The following TMEM106B variants were observed in gnomAD, a reference collection of about 807,000 sequenced individuals.
The protein encoded by TMEM106B is transmembrane protein 106B.
TMEM106B carries 15 observed loss-of-function variants against 31.1 expected under a neutral mutation model. The ratio of observed to expected loss-of-function variants is 0.48; its 90% CI spans 0.32 to 0.74. TMEM106B has a LOEUF of 0.74. TMEM106B is among the 30% of genes least tolerant of loss of function. TMEM106B has a pLI of 0.03. For synonymous variants in TMEM106B, 126 were observed against 112.5 expected, an observed-to-expected ratio of 1.12 and a Z score of -0.76; for missense variants, 283 against 327.3, an observed-to-expected ratio of 0.86 and a Z score of 1.04.
intron 3 of TMEM106B, among the ~76,000 whole-genome samples, chr7:12,223,677 C>A (rs986729091): frequency 6.7e-6 from 1 of 149,548 alleles, no homozygotes; most frequent in Non-Finnish European, 1.5e-5. Context: ...AGTAAATGTT[C>A]TATTGTTTTT....
chr7:12,213,688 A>G (rs1435766926), intron 1 of TMEM106B, among the ~76,000 whole-genome samples: 1 of 152,330 alleles, frequency 6.6e-6, no homozygotes, highest in Non-Finnish European at 1.5e-5. Context: ...TTAAAAAAAC[A>G]CTTCTGGACT....
intron 4 of TMEM106B, among the ~76,000 whole-genome samples, chr7:12,227,102 A>G (rs1198015948): frequency 1.3e-5 from 2 of 152,156 alleles, no homozygotes; most frequent in East Asian, 1.9e-4. Flanking sequence ...AAATTCTCAC[A>G]TTTTGGAATA....
intron 3 of TMEM106B, 34 bp from the exon 4 acceptor site, chr7:12,224,192 C>A (rs1319963616): frequency 3.1e-6 from 5 of 1,589,374 alleles, no homozygotes; most frequent in Non-Finnish European, 4.3e-6. Flanking sequence ...ATTTCTGATG[C>A]ACATGTACTT....
chr7:12,211,934 C>G (rs7781670), intron 1 of TMEM106B, among the ~76,000 whole-genome samples: 72,245 of 151,988 alleles, frequency 0.48, 17,663 homozygotes, highest in East Asian at 0.62. Flanking sequence ...TTTCAGTAAA[C>G]TAAGGAACCG....
chr7:12,217,517 G>A (rs1781710932), intron 2 of TMEM106B, among the ~76,000 whole-genome samples: 1 of 152,192 alleles, frequency 6.6e-6, no homozygotes, highest in South Asian at 2.1e-4. Context: ...GTGTAGTTGT[G>A]TGTTTTTCTG....
Position 12,241,538 on chromosome 7 carries a change from G to A in TMEM106B, c.*9563G>A. The A allele has an allele frequency of 6.6e-6, 1 of 152,096 alleles. No individual in the cohort carries two copies. The highest frequency in any genetic ancestry group is 1.9e-4 in the East Asian group (1 of 5,194). 9.4% of individuals were successfully genotyped at this position (152,096 alleles called of 1,614,324 possible). On this transcript the variant is annotated 3_prime_UTR_variant, in exon 8 of 8. Coordinates refer to ENST00000396668, the MANE Select transcript of TMEM106B (RefSeq NM_001134232.2). ...GTTCCTGTGTGTGTTTGCTGAGAATGATGGTTTCCAGCTTCATCCATATCC... is the reference window on the plus strand; with the variant it reads ...GTTCCTGTGTGTGTTTGCTGAGAATAATGGTTTCCAGCTTCATCCATATCC...
rs1781992489 is a variant in TMEM106B, at chr7:12,230,218, A to C, written c.583-171A>C. On this transcript the variant is annotated intron_variant, in intron 5 of 7. Transcript: ENST00000396668. ...GTGACACAGTGAGATCCTGTCTCAA[A>C]AAAGAAAAAAAAGAAAAAGAAATGT... 7.6e-6 allele frequency: 5 copies of C among 658,046 alleles called. No homozygotes were observed. In the South Asian group the frequency reaches 8.7e-5, roughly 11 times the overall value. The allele number at this position is 658,046 out of a possible 1,614,324, so 40.8% of individuals were successfully genotyped here.
In TMEM106B at chr7:12,214,823, C is replaced by G. The variant is rs765000589; in HGVS notation, c.13C>G (p.Leu5Val). 1.2e-6 allele frequency: 2 copies of G among 1,610,898 alleles called. No individual in the cohort carries two copies. Among genetic ancestry groups the G allele is most frequent in the Non-Finnish European group, 1.7e-6 (2 of 1,178,808 alleles). Reference protein sequence around the residue: MGKSLSHLPLHSSKE... With the variant: MGKSVSHLPLHSSKE... ...TTTTTCTTTAGACATGGGAAAGTCT[C>G]TTTCTCATTTGCCTTTGCATTCAAG... Residue 5 changes from leucine to valine, a missense_variant, in exon 2 of 8, where the codon CTT becomes GTT. Transcript: ENST00000396668.
chr7:12,211,876 C>T (rs1781585330), intron 1 of TMEM106B, among the ~76,000 whole-genome samples: 1 of 152,146 alleles, frequency 6.6e-6, no homozygotes, highest in Non-Finnish European at 1.5e-5. Flanking sequence ...AATTGGAGTG[C>T]TGTGATATAT....
chr7:12,222,441 A>G (rs933831836), intron 3 of TMEM106B, among the ~76,000 whole-genome samples: 1 of 152,184 alleles, frequency 6.6e-6, no homozygotes, highest in Non-Finnish European at 1.5e-5. Context: ...TTAGAACATG[A>G]TTCATTTATT....
rs753691062 is a variant in TMEM106B, at chr7:12,214,820, T to C, written c.10T>C (p.Ser4Pro). 2 of 1,609,830 alleles carry C rather than the reference T, an allele frequency of 1.2e-6. No individual in the cohort carries two copies. Among genetic ancestry groups the C allele is most frequent in the African/African-American group, 2.7e-5 (2 of 74,760 alleles). The change falls in exon 2 of 8, where the codon TCT becomes CCT. Residue 4 changes from serine to proline, a missense_variant. Ser to Pro is a moderately conservative substitution (Grantham distance 74). This residue lies in a region of TMEM106B where 77 missense variants were observed against 89.4 expected (regional missense o/e 0.86). Transcript: ENST00000396668. MGK[S>P]LSHLPLHSSK... ...TTATTTTTCTTTAGACATGGGAAAG[T>C]CTCTTTCTCATTTGCCTTTGCATTC... is the stretch of plus-strand genomic sequence containing the variant.
intron 6 of TMEM106B, 125 bp downstream of exon 6, chr7:12,230,563 G>A: frequency 5.0e-6 from 3 of 601,216 alleles, no homozygotes; most frequent in Non-Finnish European, 8.4e-6. Context: ...GTAGTATTCT[G>A]GCTTCTGGTC....
chr7:12,229,638 T>G, intron 4 of TMEM106B, 41 bp from the exon 5 acceptor site: 1 of 1,486,002 alleles, frequency 6.7e-7, no homozygotes. Context: ...ATTTGTATAT[T>G]TTTAGCTAAC....
intron 4 of TMEM106B, among the ~76,000 whole-genome samples, chr7:12,225,496 G>A (rs138328979): frequency 6.6e-6 from 1 of 152,188 alleles, no homozygotes; most frequent in African/African-American, 2.4e-5. Flanking sequence ...CAGTGTAAAA[G>A]TGTTCCTATT....
rs1174169969 is a variant in TMEM106B, at chr7:12,224,870, G to GT, written c.441+498dup. 8.2e-3 allele frequency among the ~76,000 whole-genome samples: 1,167 copies of GT among 142,060 alleles called. 5 individuals carry two copies. The highest frequency in any genetic ancestry group is 0.012 in the Non-Finnish European group (746 of 64,566). 93.2% of individuals were successfully genotyped at this position (142,060 alleles called of 152,430 possible). A position where few individuals can be genotyped will look rare whatever the true frequency, so the allele number is the denominator to read the frequency against. On this transcript the variant is annotated intron_variant, in intron 4 of 7. Transcript: ENST00000396668. ...AAATTAGCATATGTGAAAATGCCGT[G>GT]TTTTTTTTTTTTTAATTATTAAGTT...
intron 1 of TMEM106B, among the ~76,000 whole-genome samples, chr7:12,212,895 A>C (rs1010025301): frequency 2.3e-4 from 35 of 152,366 alleles, no homozygotes; most frequent in African/African-American, 8.4e-4. Context: ...GAATGTATGT[A>C]ATCTATTTTT....
chr7:12,234,569 G>C lies in TMEM106B; in HGVS notation c.*2594G>C. On this transcript the variant is annotated 3_prime_UTR_variant, in exon 8 of 8. Coordinates refer to ENST00000396668, the MANE Select transcript of TMEM106B (RefSeq NM_001134232.2). ...GAATGAGGCTTTTAGCTTTTCTTAG[G>C]TCAATGTCCAGTGTGCTTTTTTCCA... 1 of 151,750 alleles carries C rather than the reference G, an allele frequency of 6.6e-6. No homozygotes were observed. The highest frequency in any genetic ancestry group is 6.6e-5 in the Admixed American group (1 of 15,222). The allele number at this position is 151,750 out of a possible 1,614,324, so 9.4% of individuals were successfully genotyped here.
At position 12,234,519 on chromosome 7, in the gene TMEM106B, T is replaced by C. The variant is rs1178901190; in HGVS notation, c.*2544T>C. On this transcript the variant is annotated 3_prime_UTR_variant, in exon 8 of 8. Coordinates refer to ENST00000396668, the MANE Select transcript of TMEM106B (RefSeq NM_001134232.2). Reference sequence around the variant, plus strand: ...CACACATTCAGGTGAAGCAGAAGTATAGCCATAAAACATCTAGAAAGAGTG... The same window carrying C: ...CACACATTCAGGTGAAGCAGAAGTACAGCCATAAAACATCTAGAAAGAGTG... 4 of 151,886 alleles carry C rather than the reference T, an allele frequency of 2.6e-5. No homozygotes were observed. Among genetic ancestry groups the C allele is most frequent in the African/African-American group, 7.2e-5 (3 of 41,440 alleles). 9.4% of individuals were successfully genotyped at this position (151,886 alleles called of 1,614,324 possible). A position where few individuals can be genotyped will look rare whatever the true frequency, so the allele number is the denominator to read the frequency against.
intron 7 of TMEM106B, chr7:12,231,351 A>C (rs1412602636): frequency 2.5e-6 from 1 of 406,150 alleles, no homozygotes; most frequent in Non-Finnish European, 4.4e-6. Flanking sequence ...AGAGTTCAGG[A>C]AAATGGAAAG....
Sources: gnomAD v4.1 joint callset for allele counts (sites outside exome capture counted in the v4.1 genomes callset) on GRCh38, gnomAD v4.1.1 for gene constraint, gnomAD v4.1.1 regional missense constraint, MANE v1.5 for transcripts, NCBI Gene and HGNC (gene_info 2026-07-23, HGNC 2026-07-21) for gene names.